The following ST6GALNAC5 variants were observed in gnomAD, a reference collection of about 807,000 sequenced individuals.
ST6GALNAC5 encodes alpha-N-acetylgalactosaminide alpha-2,6-sialyltransferase 5.
A neutral mutation model predicts 33.6 loss-of-function variants in ST6GALNAC5; 27 were observed. The observed-to-expected ratio is 0.80, with a 90% CI of 0.59 to 1.11. The LOEUF (loss-of-function observed/expected upper bound fraction) is 1.11. Among genes scored for constraint, ST6GALNAC5 ranks in the 50% least tolerant of loss-of-function variants. The pLI is 0.00. For missense variants in ST6GALNAC5, 428 were observed against 454.0 expected, an observed-to-expected ratio of 0.94 and a Z score of 0.52; for synonymous variants, 194 against 171.2, an observed-to-expected ratio of 1.13 and a Z score of -1.04.
At position 76,896,956 on chromosome 1, in the gene ST6GALNAC5, C is replaced by T. The variant is rs186495066; in HGVS notation, c.261+28214C>T. On this transcript the variant is annotated intron_variant, in intron 2 of 4. Coordinates refer to ENST00000477717, the MANE Select transcript of ST6GALNAC5 (RefSeq NM_030965.3). ...CTGGCTCTTGTATAAGAATTCTGAC[C>T]GCACTAACCATGCCTAGGAAGGAAA... Among the ~76,000 whole-genome samples the T allele has an allele frequency of 3.0e-3, 454 of 152,148 alleles. 4 individuals are homozygous for T. Among genetic ancestry groups the T allele is most frequent in the Non-Finnish European group, 3.7e-3 (250 of 67,998 alleles).
intron 2 of ST6GALNAC5, among the ~76,000 whole-genome samples, chr1:76,915,483 C>T (rs1646961581): frequency 6.6e-6 from 1 of 152,102 alleles, no homozygotes; most frequent in African/African-American, 2.4e-5. Flanking sequence ...GAAAATCTGG[C>T]ATATATACAC....
intron 2 of ST6GALNAC5, among the ~76,000 whole-genome samples, chr1:76,949,712 G>C (rs150835736): frequency 6.6e-6 from 1 of 152,078 alleles, no homozygotes; most frequent in Admixed American, 6.6e-5. Flanking sequence ...TGATCAACTC[G>C]AGAGGCATCC....
intron 3 of ST6GALNAC5, 102 bp downstream of exon 3, chr1:77,044,715 C>A (rs1385736436): frequency 1.5e-5 from 21 of 1,374,764 alleles, no homozygotes; most frequent in Non-Finnish European, 2.1e-5. Flanking sequence ...TTGTTGTGGG[C>A]TCCACTGCTC....
intron 2 of ST6GALNAC5, among the ~76,000 whole-genome samples, chr1:76,942,081 T>C (rs1444685185): frequency 4.6e-5 from 7 of 152,140 alleles, no homozygotes; most frequent in Non-Finnish European, 8.8e-5. Context: ...ATTATTTATG[T>C]ATTTTTCTGT....
intron 2 of ST6GALNAC5, among the ~76,000 whole-genome samples, chr1:77,041,010 G>A (rs1290254087): frequency 6.6e-6 from 1 of 152,224 alleles, no homozygotes; most frequent in Admixed American, 6.5e-5. Flanking sequence ...TTTGCAGTCA[G>A]CTGTGGTCTC....
chr1:76,913,623 T>G (rs965494408), intron 2 of ST6GALNAC5, among the ~76,000 whole-genome samples: 1 of 152,236 alleles, frequency 6.6e-6, no homozygotes, highest in South Asian at 2.1e-4. Context: ...CATTTCTTCT[T>G]ATTCTTTTTT....
At chr1:76,920,407 C>A (rs1171805382) in intron 2 of ST6GALNAC5, among the ~76,000 whole-genome samples, 1 of 152,166 alleles carries the variant, frequency 6.6e-6, no homozygotes, top group Admixed American at 6.5e-5. Context: ...GCCATAGAAA[C>A]TGTGAAGAAA....
intron 2 of ST6GALNAC5, among the ~76,000 whole-genome samples, chr1:76,893,250 G>A (rs536189259): frequency 6.6e-6 from 1 of 152,052 alleles, no homozygotes; most frequent in Non-Finnish European, 1.5e-5. Context: ...TGTGCAGGAG[G>A]GAGGAAGGAC....
intron 2 of ST6GALNAC5, among the ~76,000 whole-genome samples, chr1:76,964,609 AT>A (rs1570714479): frequency 6.6e-6 from 1 of 152,004 alleles, no homozygotes; most frequent in Admixed American, 6.6e-5. Flanking sequence ...TACAGTAACT[AT>A]TTTTTATAAT....
chr1:77,002,305 T>C (rs1316231322), intron 2 of ST6GALNAC5, among the ~76,000 whole-genome samples: 1 of 152,182 alleles, frequency 6.6e-6, no homozygotes, highest in Non-Finnish European at 1.5e-5. Context: ...TCTCTGATGG[T>C]AGTTTGTATT....
At chr1:76,958,687 C>G (rs1386596594) in intron 2 of ST6GALNAC5, among the ~76,000 whole-genome samples, 1 of 151,996 alleles carries the variant, frequency 6.6e-6, no homozygotes, top group Non-Finnish European at 1.5e-5. Flanking sequence ...TCTCTTCTTC[C>G]TGAACAACCC....
chr1:77,025,870 G>A (rs1209151466), intron 2 of ST6GALNAC5, among the ~76,000 whole-genome samples: 1 of 152,080 alleles, frequency 6.6e-6, no homozygotes, highest in African/African-American at 2.4e-5. Flanking sequence ...CACCCTCCAC[G>A]GGTGGGAAAC....
At chr1:77,012,627 C>A (rs1269986098) in intron 2 of ST6GALNAC5, among the ~76,000 whole-genome samples, 1 of 152,154 alleles carries the variant, frequency 6.6e-6, no homozygotes, top group Admixed American at 6.5e-5. Context: ...GAGGCCTTGG[C>A]CTTTGTGAAC....
chr1:76,985,457 T>C (rs889644177), intron 2 of ST6GALNAC5, among the ~76,000 whole-genome samples: 4 of 152,122 alleles, frequency 2.6e-5, no homozygotes, highest in Non-Finnish European at 2.9e-5. Flanking sequence ...TTACAAGGGA[T>C]GTGAAGGACC....
intron 4 of ST6GALNAC5, among the ~76,000 whole-genome samples, chr1:77,054,299 A>G (rs116734727): frequency 0.024 from 3,725 of 152,334 alleles, 72 homozygotes; most frequent in Admixed American, 0.069. Flanking sequence ...CTGGACTCAG[A>G]GAAGTCCTTG....
chr1:77,009,675 T>C (rs1300949164), intron 2 of ST6GALNAC5, among the ~76,000 whole-genome samples: 2 of 152,180 alleles, frequency 1.3e-5, no homozygotes, highest in Non-Finnish European at 1.5e-5. Context: ...CTTCTGGGGC[T>C]GTATTTCTCT....
chr1:76,960,780 G>A (rs1040755704), intron 2 of ST6GALNAC5, among the ~76,000 whole-genome samples: 1 of 152,156 alleles, frequency 6.6e-6, no homozygotes, highest in Non-Finnish European at 1.5e-5. Context: ...GTTCCGCCCG[G>A]CTCACCAGCG....
chr1:77,067,042 G>A lies in ST6GALNAC5; in HGVS notation c.*3836G>A, dbSNP rs1004308392. 6.6e-6 allele frequency among the ~76,000 whole-genome samples: 1 copy of A among 152,216 alleles called. No individual in the cohort carries two copies. The highest frequency in any genetic ancestry group is 2.4e-5 in the African/African-American group (1 of 41,466). ...TGCCCAGGGCCAAGTGGGGAGTGAA[G>A]AAGAGGGGTCCCCAAGACACAGACT... is the stretch of plus-strand genomic sequence containing the variant. On this transcript the variant is annotated 3_prime_UTR_variant, in exon 5 of 5. Coordinates refer to ENST00000477717, the MANE Select transcript of ST6GALNAC5 (RefSeq NM_030965.3).
At chr1:77,014,821 GA>G (rs1197119961) in intron 2 of ST6GALNAC5, among the ~76,000 whole-genome samples, 1 of 152,052 alleles carries the variant, frequency 6.6e-6, no homozygotes, top group Non-Finnish European at 1.5e-5. Context: ...GTGGCCATAT[GA>G]AAAAAATGAT....
Sources: allele counts gnomAD v4.1 joint callset (sites outside exome capture counted in the v4.1 genomes callset), GRCh38; gene constraint gnomAD v4.1.1; transcripts MANE v1.5; gene names NCBI Gene and HGNC (gene_info 2026-07-23, HGNC 2026-07-21).